DSE: variants seen among roughly 807,000 people sequenced by gnomAD.
The protein encoded by DSE is dermatan-sulfate epimerase.
In DSE, 36 loss-of-function variants were observed where a neutral mutation model predicts 84.4. The ratio of observed to expected loss-of-function variants is 0.43; its 90% confidence interval spans 0.33 to 0.56. The LOEUF (loss-of-function observed/expected upper bound fraction) is 0.56, where lower values mean the gene tolerates loss of function less well. Among genes scored for constraint, DSE ranks in the 20% least tolerant of loss-of-function variants. The pLI is 0.06. For synonymous variants in DSE, 410 were observed against 430.1 expected (o/e 0.95, Z 0.58); for missense variants, 862 against 1,169.6 (o/e 0.74, Z 3.84).
At chr6:116,265,328 C>G (rs1193656460) in intron 2 of DSE, among the ~76,000 whole-genome samples, 1 of 152,020 alleles carries the variant, frequency 6.6e-6, no homozygotes, top group Non-Finnish European at 1.5e-5. Context: ...ATCTGCTGTT[C>G]TCTGTGTAGT....
At chr6:116,264,230 A>G (rs570922728) in intron 2 of DSE, among the ~76,000 whole-genome samples, 37 of 152,316 alleles carry the variant, frequency 2.4e-4, no homozygotes, top group African/African-American at 5.5e-4. Flanking sequence ...AGGGACACCA[A>G]TGAGTTGTAG....
intron 2 of DSE, among the ~76,000 whole-genome samples, chr6:116,329,014 A>G (rs150556580): frequency 1.3e-5 from 2 of 152,344 alleles, no homozygotes; most frequent in Non-Finnish European, 2.9e-5. Flanking sequence ...AGCAATATCA[A>G]CAATACTACT....
chr6:116,376,584 A>G (rs1779945168), intron 1 of DSE, among the ~76,000 whole-genome samples: 3 of 152,226 alleles, frequency 2.0e-5, no homozygotes, highest in African/African-American at 2.4e-5. Flanking sequence ...ATGTGTACTG[A>G]TTACCACTGG....
In DSE at chr6:116,431,075, C is replaced by T; in HGVS notation, c.792C>T (p.Tyr264=). The change falls in exon 4 of 6, where the codon TAC becomes TAT. Residue 264 remains tyrosine (Y), a synonymous_variant. Transcript: ENST00000644252. ...ATGAAGGAGTTGCGTATGGCAGCTA[C>T]ACCACTAGATCACTCTTCCAATACA... The part of the protein sequence containing the change: ...SLYEGVAYGS[Y]TTRSLFQYMF... 3 of 1,614,196 alleles carry T rather than the reference C, an allele frequency of 1.9e-6. No individual in the cohort carries two copies. Among genetic ancestry groups the T allele is most frequent in the Non-Finnish European group, 2.5e-6 (3 of 1,180,044 alleles).
At chr6:116,313,368 AC>A (rs760665187) in intron 2 of DSE, among the ~76,000 whole-genome samples, 1 of 152,216 alleles carries the variant, frequency 6.6e-6, no homozygotes, top group Non-Finnish European at 1.5e-5. Context: ...GGAAACTAAT[AC>A]AGAAACTCTG....
intron 2 of DSE, chr6:116,279,129 G>A (rs368570656): frequency 5.6e-6 from 9 of 1,614,094 alleles, no homozygotes; most frequent in Non-Finnish European, 7.6e-6. Context: ...CCAGCTGGAT[G>A]GCCTCCAGAG....
chr6:116,432,358 T>A (rs1403853295), intron 4 of DSE, among the ~76,000 whole-genome samples: 1 of 152,218 alleles, frequency 6.6e-6, no homozygotes, highest in Non-Finnish European at 1.5e-5. Flanking sequence ...TAAACAAACT[T>A]TTATTGAACA....
intron 2 of DSE, among the ~76,000 whole-genome samples, chr6:116,271,688 C>T (rs1415986873): frequency 1.3e-5 from 2 of 152,130 alleles, no homozygotes; most frequent in Admixed American, 6.6e-5. Flanking sequence ...TAAATAAAAT[C>T]ATGCAACAGT....
chr6:116,321,651 G>C (rs1341855834), intron 2 of DSE, among the ~76,000 whole-genome samples: 1 of 152,146 alleles, frequency 6.6e-6, no homozygotes, highest in African/African-American at 2.4e-5. Context: ...GCCGGCGCCT[G>C]TAATTCCAGC....
At chr6:116,260,398 A>G (rs1256757880) in intron 2 of DSE, among the ~76,000 whole-genome samples, 2 of 152,132 alleles carry the variant, frequency 1.3e-5, no homozygotes, top group African/African-American at 4.8e-5. Flanking sequence ...TGTCACATGC[A>G]TAGTTTGAAA....
chr6:116,424,522 G>T (rs980665193), intron 2 of DSE, among the ~76,000 whole-genome samples: 8 of 152,132 alleles, frequency 5.3e-5, no homozygotes, highest in Non-Finnish European at 1.0e-4. Flanking sequence ...CAGCAGTGTG[G>T]CTGACAGTGA....
chr6:116,433,822 T>C (rs1287182922), intron 5 of DSE, among the ~76,000 whole-genome samples: 1 of 152,214 alleles, frequency 6.6e-6, no homozygotes, highest in Non-Finnish European at 1.5e-5. Context: ...TAATAGGTAG[T>C]GTTAGAAACA....
rs1292611377 is a variant in DSE, at chr6:116,439,851, A to C, written c.*2506A>C. The C allele has an allele frequency of 6.6e-6, 1 of 152,082 alleles. No individual in the cohort carries two copies. Among genetic ancestry groups the C allele is most frequent in the East Asian group, 1.9e-4 (1 of 5,186 alleles). 9.4% of individuals were successfully genotyped at this position (152,082 alleles called of 1,614,324 possible). A position where few individuals can be genotyped will look rare whatever the true frequency, so the allele number is the denominator to read the frequency against. On this transcript the variant is annotated 3_prime_UTR_variant, in exon 6 of 6. Coordinates refer to ENST00000644252, the MANE Select transcript of DSE (RefSeq NM_013352.4). ...TATATTCCTGGGAAGCTGAGGTGGG[A>C]GTATTGCCTGAGCTTAGGAGTTCTG... is the stretch of plus-strand genomic sequence containing the variant.
intron 2 of DSE, among the ~76,000 whole-genome samples, chr6:116,418,302 T>C (rs553122380): frequency 1.3e-5 from 2 of 152,216 alleles, no homozygotes; most frequent in African/African-American, 4.8e-5. Flanking sequence ...TGGAATGAGG[T>C]TGAGGCCTAG....
exon 2 of DSE, chr6:116,258,670 T>C (rs1772257995): frequency 6.2e-7 from 1 of 1,610,668 alleles, no homozygotes; most frequent in African/African-American, 1.3e-5. Context: ...CCAGATGGCC[T>C]GATTCACACG....
chr6:116,261,329 G>A (rs1396385725), intron 2 of DSE, among the ~76,000 whole-genome samples: 3 of 152,002 alleles, frequency 2.0e-5, no homozygotes, highest in African/African-American at 7.3e-5. Flanking sequence ...CCAGGTTCAC[G>A]CCACTCTCCT....
At position 116,435,690 on chromosome 6, in the gene DSE, G is replaced by A. The variant is rs150311697; in HGVS notation, c.1222G>A (p.Ala408Thr). The stretch of plus-strand genomic sequence containing the variant: ...CGTGACTTATGGAAGTGCACTACCT[G>A]CAGAAATCAATAGATCTTTCCTTTC... ...GVVTYGSALPAEINRSFLSFK... is the reference protein window; with the variant it reads ...GVVTYGSALPTEINRSFLSFK... Residue 408 changes from alanine to threonine, a missense_variant, in exon 6 of 6, where the codon GCA becomes ACA. Physicochemically the swap from Ala to Thr is moderately conservative, Grantham distance 58. Around this residue, in one of 4 missense-constraint regions of DSE, gnomAD observed 309 missense variants for 516.9 expected, o/e 0.60. Transcript: ENST00000644252. 193 of 1,614,112 alleles carry A rather than the reference G, an allele frequency of 1.2e-4. No homozygotes were observed. The highest frequency in any genetic ancestry group is 1.5e-4 in the Non-Finnish European group (182 of 1,179,986).
chr6:116,338,438 G>A (rs562326459), intron 2 of DSE, among the ~76,000 whole-genome samples: 1 of 151,790 alleles, frequency 6.6e-6, no homozygotes, highest in South Asian at 2.1e-4. Flanking sequence ...TGCCTAGGCT[G>A]GTCTCAAACT....
intron 2 of DSE, among the ~76,000 whole-genome samples, chr6:116,333,368 G>A (rs1259597897): frequency 6.6e-6 from 1 of 152,196 alleles, no homozygotes. Flanking sequence ...CACATAGTGA[G>A]ACAATGTGAG....
Sources: allele counts gnomAD v4.1 joint callset (sites outside exome capture counted in the v4.1 genomes callset), GRCh38; gene constraint gnomAD v4.1.1; regional missense constraint gnomAD v4.1.1; transcripts MANE v1.5; gene names NCBI Gene and HGNC (gene_info 2026-07-23, HGNC 2026-07-21).